SEL1L: variants seen among roughly 807,000 people sequenced by gnomAD.
SEL1L encodes SEL1L adaptor subunit of SYVN1 ubiquitin ligase.
In SEL1L, 52 loss-of-function variants were observed where a neutral mutation model predicts 109.8. The observed-to-expected ratio is 0.47, with a 90% CI of 0.38 to 0.60. The LOEUF (loss-of-function observed/expected upper bound fraction) is 0.60, where lower values mean the gene tolerates loss of function less well. SEL1L is among the 20% of genes least tolerant of loss of function. The pLI is 0.00. For missense variants in SEL1L, 749 were observed against 962.2 expected, an observed-to-expected ratio of 0.78 and a Z score of 2.93; for synonymous variants, 373 against 339.6, an observed-to-expected ratio of 1.10 and a Z score of -1.08.
rs1206590662 is a variant in SEL1L, at chr14:81,473,212, G to C, written c.*3760C>G. 1 of 152,166 alleles carries C rather than the reference G, an allele frequency of 6.6e-6. No homozygotes were observed. Among genetic ancestry groups the C allele is most frequent in the Non-Finnish European group, 1.5e-5 (1 of 68,034 alleles). 9.4% of individuals were successfully genotyped at this position (152,166 alleles called of 1,614,324 possible). On this transcript the variant is annotated 3_prime_UTR_variant, in exon 21 of 21. Transcript: ENST00000336735. ...GTTTATTTTCTAATCAAAGAGAATA[G>C]TGTCAGCCTGTTTCTCAAACCAAAT...
At chr14:81,486,170 G>T (rs1478416048) in intron 17 of SEL1L, 119 bp downstream of exon 17, 2 of 1,003,186 alleles carry the variant, frequency 2.0e-6, no homozygotes, top group Non-Finnish European at 3.0e-6. Flanking sequence ...TGTGTGTTCA[G>T]TTCCAGTTAC....
At chr14:81,486,558 T>C in intron 16 of SEL1L, 104 bp from the exon 17 acceptor site, 1 of 1,084,382 alleles carries the variant, frequency 9.2e-7, no homozygotes, top group Non-Finnish European at 1.3e-6. Flanking sequence ...AGCTTGCTCC[T>C]TCAATTTCTG....
In SEL1L at chr14:81,476,919, C is replaced by A; in HGVS notation, c.*53G>T. On this transcript the variant is annotated 3_prime_UTR_variant, in exon 21 of 21. Transcript: ENST00000336735. ...AGGTCCTAAATCAAATGCAAGTGTT[C>A]CCAGCAGATAACTTCCTTCGCTGTC... The A allele has an allele frequency of 1.9e-6, 3 of 1,578,898 alleles. No individual in the cohort carries two copies. The highest frequency in any genetic ancestry group is 2.6e-6 in the Non-Finnish European group (3 of 1,153,378).
At chr14:81,530,563 GA>G (rs950457243) in intron 1 of SEL1L, among the ~76,000 whole-genome samples, 1 of 149,514 alleles carries the variant, frequency 6.7e-6, no homozygotes, top group African/African-American at 2.5e-5. Flanking sequence ...TTGGCACAAA[GA>G]AAAAAAAAGG....
In SEL1L at chr14:81,517,619, TGA is replaced by T. The variant is rs1364415494; in HGVS notation, c.340+9112_340+9113del. Among the ~76,000 whole-genome samples the T allele has an allele frequency of 5.3e-5, 8 of 152,294 alleles. No individual in the cohort carries two copies. The East Asian group carries it at 1.5e-3, about 29-fold the overall frequency. ...AACACTGAATTTACTGCTAGGAGGC[TGA>T]GTAAACTGCAGTAGGGAGAAAAAAG... is the stretch of plus-strand genomic sequence containing the variant. On this transcript the variant is annotated intron_variant, in intron 3 of 20. Transcript: ENST00000336735.
At position 81,492,467 on chromosome 14, in the gene SEL1L, G is replaced by A. The variant is rs757606462; in HGVS notation, c.1254+13C>T. 1.6e-5 allele frequency: 25 copies of A among 1,594,100 alleles called. No homozygotes were observed. The South Asian group carries it at 2.4e-4, about 16-fold the overall frequency. Reference sequence around the variant, plus strand: ...CTTGCTATTACATAAAACATTCACAGGATGTACAGTACCTTTCCCAAAAAG... The same window carrying A: ...CTTGCTATTACATAAAACATTCACAAGATGTACAGTACCTTTCCCAAAAAG... On this transcript the variant is annotated intron_variant, in intron 12 of 20. Coordinates refer to ENST00000336735, the MANE Select transcript of SEL1L (RefSeq NM_005065.6).
intron 3 of SEL1L, among the ~76,000 whole-genome samples, chr14:81,523,991 T>G (rs576187841): frequency 2.6e-5 from 4 of 152,360 alleles, no homozygotes; most frequent in African/African-American, 9.6e-5. Flanking sequence ...TTTCAGAGAT[T>G]GCTTGGGCAC....
At chr14:81,489,029 C>T (rs1030136299) in intron 14 of SEL1L, 7 of 554,900 alleles carry the variant, frequency 1.3e-5, no homozygotes, top group Admixed American at 7.3e-5. Flanking sequence ...CAACTCCATA[C>T]CTCTGGGAGA....
In SEL1L at chr14:81,519,222, G is replaced by A. The variant is rs374852569; in HGVS notation, c.340+7511C>T. ...TTTAAGCACTCCGTGTGACTCCTCC[G>A]GGAGAGGACCCTTGAAAGCTTACAT... On this transcript the variant is annotated intron_variant, in intron 3 of 20. Transcript: ENST00000336735. Among the ~76,000 whole-genome samples the A allele has an allele frequency of 2.1e-4, 32 of 152,288 alleles. No homozygotes were observed. In the South Asian group the frequency reaches 5.8e-3, roughly 28 times the overall value.
At chr14:81,531,167 G>A (rs1640214814) in intron 1 of SEL1L, among the ~76,000 whole-genome samples, 1 of 152,154 alleles carries the variant, frequency 6.6e-6, no homozygotes, top group Non-Finnish European at 1.5e-5. Context: ...TGTTCCAATG[G>A]CTACAATGTC....
intron 10 of SEL1L, among the ~76,000 whole-genome samples, chr14:81,497,443 G>A (rs1883811302): frequency 1.3e-5 from 2 of 152,332 alleles, no homozygotes; most frequent in South Asian, 4.1e-4. Context: ...TGACCTTGAA[G>A]AAATTATGAT....
rs1903058754 is a variant in SEL1L, at chr14:81,473,246, C to G, written c.*3726G>C. The G allele has an allele frequency of 1.3e-5, 2 of 152,148 alleles. No homozygotes were observed. Among genetic ancestry groups the G allele is most frequent in the African/African-American group, 4.8e-5 (2 of 41,432 alleles). The allele number at this position is 152,148 out of a possible 1,614,324, so 9.4% of individuals were successfully genotyped here. On this transcript the variant is annotated 3_prime_UTR_variant, in exon 21 of 21. Coordinates refer to ENST00000336735, the MANE Select transcript of SEL1L (RefSeq NM_005065.6). ...TGTTTCTCAAACCAAATAGGAAAAA[C>G]AGCATGTGAGATGATTCCCTGCACA...
At position 81,471,834 on chromosome 14, in the gene SEL1L, G is replaced by A. The variant is rs570747998; in HGVS notation, c.*5138C>T. The A allele has an allele frequency of 3.9e-5, 6 of 152,244 alleles. No individual in the cohort carries two copies. Among genetic ancestry groups the A allele is most frequent in the African/African-American group, 9.6e-5 (4 of 41,538 alleles). The allele number at this position is 152,244 out of a possible 1,614,324, so 9.4% of individuals were successfully genotyped here. A position where few individuals can be genotyped will look rare whatever the true frequency, so the allele number is the denominator to read the frequency against. On this transcript the variant is annotated 3_prime_UTR_variant, in exon 21 of 21. Transcript: ENST00000336735. Reference sequence around the variant, plus strand: ...TTCAATTTGATGGCGAAGTAGTGACGTAAGTGACATGAGAAGGAACGTACA... The same window carrying A: ...TTCAATTTGATGGCGAAGTAGTGACATAAGTGACATGAGAAGGAACGTACA...
chr14:81,509,785 A>G (rs185532884), intron 3 of SEL1L, among the ~76,000 whole-genome samples: 15 of 152,360 alleles, frequency 9.8e-5, no homozygotes, highest in Admixed American at 9.8e-4. Flanking sequence ...GTAAAGGTCC[A>G]TATCTTCAGA....
At chr14:81,497,749 G>A (rs577335970) in intron 10 of SEL1L, 143 bp downstream of exon 10, 2 of 696,984 alleles carry the variant, frequency 2.9e-6, no homozygotes, top group Admixed American at 3.3e-5. Context: ...TTTTTTAAGG[G>A]GCTCAGGTGA....
intron 3 of SEL1L, among the ~76,000 whole-genome samples, chr14:81,516,874 A>G (rs1884721208): frequency 6.6e-6 from 1 of 152,100 alleles, no homozygotes; most frequent in Non-Finnish European, 1.5e-5. Flanking sequence ...TTTCCTCCAG[A>G]CTTCCCCCCC....
intron 5 of SEL1L, 22 bp downstream of exon 5, chr14:81,504,179 T>C (rs762499939): frequency 1.4e-6 from 2 of 1,451,146 alleles, no homozygotes; most frequent in African/African-American, 1.4e-5. Context: ...GGGGGAAAAG[T>C]GGACTTAGCA....
chr14:81,505,205 G>A (rs1429064471), intron 4 of SEL1L, among the ~76,000 whole-genome samples: 3 of 152,152 alleles, frequency 2.0e-5, no homozygotes, highest in Non-Finnish European at 4.4e-5. Flanking sequence ...ATACAAGTTA[G>A]TAAAAAATTT....
Position 81,476,562 on chromosome 14 carries a change from C to CTT in SEL1L, c.*408_*409dup, listed in dbSNP as rs925743704. On this transcript the variant is annotated 3_prime_UTR_variant, in exon 21 of 21. Transcript: ENST00000336735. ...CGTTTAAACTTGCAACTGGGTTTTC[C>CTT]TTTTTACACTGATCAGTTTTTAGTG... 2 of 156,904 alleles carry CTT rather than the reference C, an allele frequency of 1.3e-5. No homozygotes were observed. Among genetic ancestry groups the CTT allele is most frequent in the African/African-American group, 4.8e-5 (2 of 41,348 alleles). The allele number at this position is 156,904 out of a possible 1,614,324, so 9.7% of individuals were successfully genotyped here.
Sources: allele counts gnomAD v4.1 joint callset (sites outside exome capture counted in the v4.1 genomes callset), GRCh38; gene constraint gnomAD v4.1.1; transcripts MANE v1.5; gene names NCBI Gene and HGNC (gene_info 2026-07-23, HGNC 2026-07-21).